Variants in SLC17A6 observed in about 807,000 individuals in gnomAD.
The protein encoded by SLC17A6 is solute carrier family 17 member 6.
SLC17A6 carries 35 observed loss-of-function variants against 67.1 expected under a neutral mutation model. The ratio of observed to expected loss-of-function variants is 0.52; its 90% CI spans 0.40 to 0.69. The LOEUF is 0.69. Among genes scored for constraint, SLC17A6 ranks in the 30% least tolerant of loss-of-function variants. The pLI is 0.00. For synonymous variants in SLC17A6, 285 were observed against 252.3 expected, an observed-to-expected ratio of 1.13 and a Z score of -1.23; for missense variants, 588 against 723.9, an observed-to-expected ratio of 0.81 and a Z score of 2.15.
At chr11:22,347,753 C>T (rs1009801192) in intron 3 of SLC17A6, among the ~76,000 whole-genome samples, 1 of 151,958 alleles carries the variant, frequency 6.6e-6, no homozygotes, top group African/African-American at 2.4e-5. Context: ...TATTTTTAGC[C>T]AAGTGTATAG....
chr11:22,358,582 G>A (rs538153306), intron 3 of SLC17A6, among the ~76,000 whole-genome samples: 1 of 152,230 alleles, frequency 6.6e-6, no homozygotes, highest in South Asian at 2.1e-4. Flanking sequence ...CGCTCGCCTC[G>A]GCCTCCCGAA....
At chr11:22,368,892 T>A (rs183386419) in intron 7 of SLC17A6, among the ~76,000 whole-genome samples, 20 of 152,138 alleles carry the variant, frequency 1.3e-4, no homozygotes, top group African/African-American at 4.8e-4. Context: ...TTTGTTTTTG[T>A]TTGTTTCTTT....
Position 22,378,009 on chromosome 11 carries a change from T to C in SLC17A6, c.*269T>C, listed in dbSNP as rs1437135325. On this transcript the variant is annotated 3_prime_UTR_variant, in exon 12 of 12. Coordinates refer to ENST00000263160, the MANE Select transcript of SLC17A6 (RefSeq NM_020346.3). The stretch of plus-strand genomic sequence containing the variant: ...AATTGTAGAAACAAGTAGTTACCCA[T>C]TGGATTCATATGAGCTAAAACTCAT... 1.0e-5 allele frequency: 5 copies of C among 479,402 alleles called. No individual in the cohort carries two copies. The highest frequency in any genetic ancestry group is 3.8e-5 in the Admixed American group (1 of 26,034). The allele number at this position is 479,402 out of a possible 1,614,324, so 29.7% of individuals were successfully genotyped here. A position where few individuals can be genotyped will look rare whatever the true frequency, so the allele number is the denominator to read the frequency against.
chr11:22,342,387 A>G (rs1045819118), intron 2 of SLC17A6, among the ~76,000 whole-genome samples: 5 of 152,184 alleles, frequency 3.3e-5, no homozygotes, highest in African/African-American at 1.2e-4. Context: ...CAGCTGCCGT[A>G]AACCAGACTA....
chr11:22,349,974 GT>G (rs992237359), intron 3 of SLC17A6, among the ~76,000 whole-genome samples: 14 of 152,202 alleles, frequency 9.2e-5, no homozygotes, highest in African/African-American at 3.4e-4. Flanking sequence ...CCAAATGGAA[GT>G]GGATTGATTG....
Position 22,376,658 on chromosome 11 carries a change from A to G in SLC17A6, c.1399A>G (p.Met467Val). 6.2e-7 allele frequency: 1 copy of G among 1,613,902 alleles called. No individual in the cohort carries two copies. Reference sequence around the variant, plus strand: ...GGTTTGTCCTATCATTGTTGGTGCAATGACAAAGAATAAGGTAAGATGGTC... The same window carrying G: ...GGTTTGTCCTATCATTGTTGGTGCAGTGACAAAGAATAAGGTAAGATGGTC... ...GMVCPIIVGAMTKNKSREEWQ... is the reference protein window; with the variant it reads ...GMVCPIIVGAVTKNKSREEWQ... Residue 467 changes from methionine to valine, a missense_variant, in exon 11 of 12, where the codon ATG (methionine) becomes GTG (valine). Met to Val is a conservative substitution (Grantham distance 21). Transcript: ENST00000263160.
At chr11:22,340,859 G>A (rs1055980641) in intron 1 of SLC17A6, among the ~76,000 whole-genome samples, 1 of 152,204 alleles carries the variant, frequency 6.6e-6, no homozygotes, top group African/African-American at 2.4e-5. Flanking sequence ...CACTCTCAGC[G>A]AGAGCTCTCA....
Position 22,343,330 on chromosome 11 carries a change from G to C in SLC17A6, c.423G>C (p.Pro141=). 1.2e-6 allele frequency: 2 copies of C among 1,612,552 alleles called. No homozygotes were observed. Among genetic ancestry groups the C allele is most frequent in the Middle Eastern group, 1.7e-4 (1 of 6,044 alleles). Residue 141 remains proline, a synonymous_variant, in exon 3 of 12, where the codon CCG becomes CCC. Coordinates refer to ENST00000263160, the MANE Select transcript of SLC17A6 (RefSeq NM_020346.3). The stretch of plus-strand genomic sequence containing the variant: ...GGGGCTACATCATCACTCAGATTCC[G>C]GGAGGCTACATCGCGTCTCGGCTGG... ...FFWGYIITQI[P]GGYIASRLAA...
In SLC17A6 at chr11:22,376,551, A is replaced by G. The variant is rs1856234692; in HGVS notation, c.1292A>G (p.Asn431Ser). 2 of 1,613,944 alleles carry G rather than the reference A, an allele frequency of 1.2e-6. No homozygotes were observed. The highest frequency in any genetic ancestry group is 1.7e-6 in the Non-Finnish European group (2 of 1,179,908). ...ACTTATGTGTGTATTTCAGGTTTCA[A>G]TGTTAACCACTTGGATATCGCTCCA... is the stretch of plus-strand genomic sequence containing the variant. ...GFSGFAISGF[N>S]VNHLDIAPRY... Residue 431 changes from asparagine (N) to serine (S), a missense_variant, in exon 11 of 12, where the codon AAT becomes AGT. Asn to Ser is a conservative substitution (Grantham distance 46). Coordinates refer to ENST00000263160, the MANE Select transcript of SLC17A6 (RefSeq NM_020346.3).
chr11:22,373,410 A>T (rs1856195943), intron 8 of SLC17A6, among the ~76,000 whole-genome samples: 1 of 152,130 alleles, frequency 6.6e-6, no homozygotes, highest in African/African-American at 2.4e-5. Flanking sequence ...CTCCATATTA[A>T]GAATAAAAAG....
At chr11:22,340,918 G>C (rs911051159) in intron 1 of SLC17A6, among the ~76,000 whole-genome samples, 19 of 152,208 alleles carry the variant, frequency 1.2e-4, no homozygotes, top group Admixed American at 1.3e-4. Flanking sequence ...CTTAGTCCAG[G>C]GGGTGCTCCA....
At chr11:22,341,401 C>T in intron 1 of SLC17A6, 127 bp from the exon 2 acceptor site, 2 of 1,366,632 alleles carry the variant, frequency 1.5e-6, no homozygotes, top group South Asian at 1.4e-5. Context: ...CCACCCTAAT[C>T]CCCGAGGGTG....
intron 3 of SLC17A6, among the ~76,000 whole-genome samples, chr11:22,356,352 G>A (rs554060703): frequency 6.6e-6 from 1 of 152,066 alleles, no homozygotes; most frequent in South Asian, 2.1e-4. Context: ...AGGTGTAAAG[G>A]CTTTCCATTT....
At chr11:22,362,276 A>T in intron 5 of SLC17A6, 1 of 438,726 alleles carries the variant, frequency 2.3e-6, no homozygotes, top group Non-Finnish European at 4.5e-6. Context: ...AATCATGGAT[A>T]CTAACAAAGA....
intron 3 of SLC17A6, among the ~76,000 whole-genome samples, chr11:22,358,595 A>G (rs1856015981): frequency 6.6e-6 from 1 of 152,202 alleles, no homozygotes; most frequent in South Asian, 2.1e-4. Flanking sequence ...CTCCCGAAGA[A>G]GTGCTGGGGT....
At chr11:22,342,923 C>T (rs1449577201) in intron 2 of SLC17A6, 3 of 484,864 alleles carry the variant, frequency 6.2e-6, no homozygotes, top group Non-Finnish European at 1.2e-5. Context: ...GCTAACAAAT[C>T]TCTTCATGGG....
rs769799093 is a variant in SLC17A6, at chr11:22,378,261, T to A, written c.*521T>A. The A allele has an allele frequency of 6.5e-6, 1 of 153,692 alleles. No individual in the cohort carries two copies. Among genetic ancestry groups the A allele is most frequent in the Middle Eastern group, 3.1e-3 (1 of 322 alleles). 9.5% of individuals were successfully genotyped at this position (153,692 alleles called of 1,614,324 possible). A position where few individuals can be genotyped will look rare whatever the true frequency, so the allele number is the denominator to read the frequency against. On this transcript the variant is annotated 3_prime_UTR_variant, in exon 12 of 12. Coordinates refer to ENST00000263160, the MANE Select transcript of SLC17A6 (RefSeq NM_020346.3). ...CTATCAGCTACAAAGTTGTACTGAATAACTATTAGAATTGCATAATGTGAG... is the reference window on the plus strand; with the variant it reads ...CTATCAGCTACAAAGTTGTACTGAAAAACTATTAGAATTGCATAATGTGAG...
Position 22,338,626 on chromosome 11 carries a change from C to A in SLC17A6, c.86+7C>A, listed in dbSNP as rs1855763679. 6.2e-7 allele frequency: 1 copy of A among 1,606,064 alleles called. No homozygotes were observed. The highest frequency in any genetic ancestry group is 1.7e-5 in the Admixed American group (1 of 59,672). Reference sequence around the variant, plus strand: ...CACTCGGCCAGATCTACAGGTAAGACAAAGCGAACACTTGCTTACCTGGGG... The same window carrying A: ...CACTCGGCCAGATCTACAGGTAAGAAAAAGCGAACACTTGCTTACCTGGGG... On this transcript the variant is annotated splice_region_variant and intron_variant, in intron 1 of 11. Coordinates refer to ENST00000263160, the MANE Select transcript of SLC17A6 (RefSeq NM_020346.3).
At chr11:22,363,976 T>TTAA (rs1856080573) in intron 6 of SLC17A6, among the ~76,000 whole-genome samples, 2 of 152,154 alleles carry the variant, frequency 1.3e-5, no homozygotes, top group African/African-American at 4.8e-5. Context: ...ATATGTGACC[T>TTAA]TAAAGTAAGA....
Sources: allele counts gnomAD v4.1 joint callset (sites outside exome capture counted in the v4.1 genomes callset), GRCh38; gene constraint gnomAD v4.1.1; transcripts MANE v1.5; gene names NCBI Gene and HGNC (gene_info 2026-07-23, HGNC 2026-07-21).